CCDC73: variants seen among roughly 807,000 people sequenced by gnomAD.
The protein encoded by CCDC73 is coiled-coil domain-containing protein 73.
In CCDC73, 95 loss-of-function variants were observed where a neutral mutation model predicts 116.5. The observed-to-expected ratio is 0.82, with a 90% CI of 0.69 to 0.97. CCDC73 has a LOEUF of 0.97. Ranked by LOEUF, CCDC73 falls within the 50% of genes least tolerant of loss-of-function variation. The pLI is 0.00. For missense variants in CCDC73, 1,066 were observed against 1,206.8 expected, an observed-to-expected ratio of 0.88 and a Z score of 1.73; for synonymous variants, 398 against 401.3, an observed-to-expected ratio of 0.99 and a Z score of 0.10.
At chr11:32,801,653 AC>A in the CCDC73 span, among the ~76,000 whole-genome samples, 21,298 of 147,658 alleles carry the variant, frequency 0.14, 1,489 homozygotes, top group South Asian at 0.25. Context: ...AAAAAAAAAA[AC>A]AAACACTAAC....
chr11:32,826,590 T>C, the CCDC73 span, among the ~76,000 whole-genome samples: 1 of 148,900 alleles, frequency 6.7e-6, no homozygotes, highest in East Asian at 2.0e-4. Context: ...TTTTTTCTTA[T>C]TCCCTCTGAA....
chr11:32,762,215 T>A (rs1280278513), intron 1 of CCDC73, among the ~76,000 whole-genome samples: 2 of 151,998 alleles, frequency 1.3e-5, no homozygotes, highest in Non-Finnish European at 1.5e-5. Context: ...TTTGGACCAA[T>A]CCTCCTACTA....
the CCDC73 span, among the ~76,000 whole-genome samples, chr11:32,815,277 A>G: frequency 6.6e-6 from 1 of 152,182 alleles, no homozygotes; most frequent in African/African-American, 2.4e-5. Context: ...AAATCTGCCA[A>G]CATAAAGCCT....
At position 32,635,767 on chromosome 11, in the gene CCDC73, GA is replaced by G. The variant is rs774059335; in HGVS notation, c.1113del (p.His372IlefsTer29). On this transcript the variant is annotated frameshift_variant, in exon 14 of 18. Transcript: ENST00000335185. LOFTEE classifies it high-confidence loss of function. ...TTATAATGTTCTTGTAACTTAATAT[GA>G]GTTTCTTTAAGGGATGATAATTCAT... ...IKNELSSLKE[T>X]HIKLQEHYNK... 1 of 1,273,454 alleles carries G rather than the reference GA, an allele frequency of 7.9e-7. No individual in the cohort carries two copies. The highest frequency in any genetic ancestry group is 3.2e-5 in the Admixed American group (1 of 31,088). The allele number at this position is 1,273,454 out of a possible 1,614,324, so 78.9% of individuals were successfully genotyped here. A position where few individuals can be genotyped will look rare whatever the true frequency, so the allele number is the denominator to read the frequency against.
intron 11 of CCDC73, among the ~76,000 whole-genome samples, chr11:32,653,461 C>T (rs1855845088): frequency 6.6e-6 from 1 of 152,096 alleles, no homozygotes; most frequent in Non-Finnish European, 1.5e-5. Context: ...GATTCTAAGA[C>T]ACATGTGAAG....
intron 9 of CCDC73, among the ~76,000 whole-genome samples, chr11:32,663,339 G>C (rs1258186764): frequency 6.6e-6 from 1 of 152,124 alleles, no homozygotes; most frequent in Admixed American, 6.6e-5. Flanking sequence ...CCATTTGTTT[G>C]TGTCCTCTTT....
chr11:32,643,679 A>T lies in CCDC73; in HGVS notation c.940-1597T>A, dbSNP rs543680903. 2.6e-5 allele frequency among the ~76,000 whole-genome samples: 4 copies of T among 152,300 alleles called. No individual in the cohort carries two copies. The East Asian group carries it at 7.7e-4, about 29-fold the overall frequency. On this transcript the variant is annotated intron_variant, in intron 12 of 17. Transcript: ENST00000335185. The stretch of plus-strand genomic sequence containing the variant: ...AAATAAAAGATTAAAAATGGTACAC[A>T]TGTAACTATATAAGGTACTTACCAT...
chr11:32,614,473 T>C lies in CCDC73; in HGVS notation c.1845A>G (p.Leu615=). 1 of 1,613,394 alleles carries C rather than the reference T, an allele frequency of 6.2e-7. No homozygotes were observed. The highest frequency in any genetic ancestry group is 8.5e-7 in the Non-Finnish European group (1 of 1,179,522). Residue 615 remains leucine (L), a synonymous_variant, in exon 16 of 18, where the codon CTA becomes CTG. Coordinates refer to ENST00000335185, the MANE Select transcript of CCDC73 (RefSeq NM_001008391.4). ...GGTCACTATTTGTAATTTCCTTCTC[T>C]AGAGCATGTTCTCGAGTCCCTGGAA... The part of the protein sequence containing the change: ...RLLPGTREHA[L]EKEITNSDQT...
In CCDC73 at chr11:32,661,228, T is replaced by G. The variant is rs148312506; in HGVS notation, c.646-6256A>C. 3.4e-3 allele frequency among the ~76,000 whole-genome samples: 514 copies of G among 152,270 alleles called. 3 individuals carry two copies. Among genetic ancestry groups the G allele is most frequent in the African/African-American group, 0.012 (500 of 41,572 alleles). ...GGAGCTGGTAGTTTAGGAGCATGAATTGTCAAAAATGTCCCCTTTTATTTT... is the reference window on the plus strand; with the variant it reads ...GGAGCTGGTAGTTTAGGAGCATGAAGTGTCAAAAATGTCCCCTTTTATTTT... On this transcript the variant is annotated intron_variant, in intron 9 of 17. Transcript: ENST00000335185.
At chr11:32,819,190 T>C in the CCDC73 span, among the ~76,000 whole-genome samples, 1 of 152,112 alleles carries the variant, frequency 6.6e-6, no homozygotes, top group East Asian at 1.9e-4. Flanking sequence ...AAAAGATATT[T>C]AATATGGTCT....
At chr11:32,798,747 C>A (rs1850747587), upstream of CCDC73, among the ~76,000 whole-genome samples, 1 of 152,140 alleles carries the variant, frequency 6.6e-6, no homozygotes. Context: ...ATGGGAAGTT[C>A]TTCCTCTTTC....
intron 3 of CCDC73, among the ~76,000 whole-genome samples, chr11:32,706,472 C>G (rs1849857033): frequency 6.6e-6 from 1 of 152,156 alleles, no homozygotes; most frequent in Non-Finnish European, 1.5e-5. Context: ...GGTCATCAAG[C>G]ACTAGAGGAG....
intron 7 of CCDC73, chr11:32,683,100 C>G (rs911717851): frequency 1.7e-5 from 3 of 180,768 alleles, no homozygotes; most frequent in South Asian, 1.1e-4. Context: ...TTGAATATCT[C>G]TAATCAGAAA....
the CCDC73 span, among the ~76,000 whole-genome samples, chr11:32,808,666 A>G: frequency 6.6e-6 from 1 of 152,026 alleles, no homozygotes; most frequent in African/African-American, 2.4e-5. Context: ...CCATAAATTG[A>G]TAATTGTTGA....
intron 2 of CCDC73, among the ~76,000 whole-genome samples, chr11:32,753,616 C>G (rs1343299107): frequency 6.6e-6 from 1 of 152,128 alleles, no homozygotes; most frequent in Non-Finnish European, 1.5e-5. Context: ...AAGCACCCAT[C>G]ACCATGCCCA....
At chr11:32,701,603 G>A (rs1462934529) in intron 4 of CCDC73, among the ~76,000 whole-genome samples, 3 of 152,008 alleles carry the variant, frequency 2.0e-5, no homozygotes, top group South Asian at 2.1e-4. Context: ...CGGGAGGATC[G>A]TTTGAGCCCT....
chr11:32,781,792 A>G (rs1424142520), intron 1 of CCDC73, among the ~76,000 whole-genome samples: 1 of 152,204 alleles, frequency 6.6e-6, no homozygotes, highest in Non-Finnish European at 1.5e-5. Flanking sequence ...TAACAGCCAG[A>G]TAGCTCTTGA....
At chr11:32,806,630 CA>C in the CCDC73 span, among the ~76,000 whole-genome samples, 1,242 of 125,444 alleles carry the variant, frequency 9.9e-3, 17 homozygotes, top group African/African-American at 0.029. Context: ...AGACCTGTCT[CA>C]AAAAAAAAAA....
chr11:32,628,550 G>A (rs897283426), intron 14 of CCDC73, among the ~76,000 whole-genome samples: 3 of 152,188 alleles, frequency 2.0e-5, no homozygotes, highest in Admixed American at 1.3e-4. Context: ...AGCCAGAGAG[G>A]AATGAACTTA....
Sources: allele counts gnomAD v4.1 joint callset (sites outside exome capture counted in the v4.1 genomes callset), GRCh38; gene constraint gnomAD v4.1.1; transcripts MANE v1.5; gene names NCBI Gene and HGNC (gene_info 2026-07-23, HGNC 2026-07-21).